Variants in CHODL observed in about 807,000 individuals in gnomAD.
CHODL encodes the protein chondrolectin.
A neutral mutation model predicts 34.5 loss-of-function variants in CHODL; 29 were observed. That is an observed-to-expected ratio of 0.84 (90% CI 0.63 to 1.15). CHODL has a LOEUF of 1.15. Among genes scored for constraint, CHODL ranks in the 50% most tolerant of loss-of-function variants. CHODL has a pLI of 0.00. For synonymous variants in CHODL, 125 were observed against 116.1 expected, an observed-to-expected ratio of 1.08 and a Z score of -0.49; for missense variants, 332 against 332.5, an observed-to-expected ratio of 1.00 and a Z score of 0.01.
chr21:17,987,155 A>G (rs949678498), intron 1 of CHODL, among the ~76,000 whole-genome samples: 5 of 152,190 alleles, frequency 3.3e-5, no homozygotes, highest in Non-Finnish European at 7.3e-5. Flanking sequence ...CTGCTTTCAC[A>G]GTAAGATCTA....
intron 2 of CHODL, among the ~76,000 whole-genome samples, chr21:18,095,069 A>T (rs1403700888): frequency 6.6e-6 from 1 of 152,038 alleles, no homozygotes; most frequent in Non-Finnish European, 1.5e-5. Context: ...GGTTGCAGTG[A>T]GTCAAGATCA....
chr21:18,160,855 G>A (rs2073087488), intron 2 of CHODL, among the ~76,000 whole-genome samples: 1 of 152,128 alleles, frequency 6.6e-6, no homozygotes, highest in African/African-American at 2.4e-5. Context: ...CTCAGTAATG[G>A]GATTGCTGGG....
At chr21:18,213,205 ATTG>A (rs1273325106) in intron 2 of CHODL, among the ~76,000 whole-genome samples, 4 of 152,070 alleles carry the variant, frequency 2.6e-5, no homozygotes, top group African/African-American at 4.8e-5. Flanking sequence ...ACTGGTTTAG[ATTG>A]TTATTTGGAC....
chr21:17,943,963 C>T (rs2063385693), intron 1 of CHODL, among the ~76,000 whole-genome samples: 1 of 152,114 alleles, frequency 6.6e-6, no homozygotes, highest in South Asian at 2.1e-4. Context: ...TTGGTGGTAG[C>T]TCGGTGTTCC....
chr21:18,004,081 C>A (rs2146403796), intron 1 of CHODL, among the ~76,000 whole-genome samples: 1 of 152,230 alleles, frequency 6.6e-6, no homozygotes, highest in South Asian at 2.1e-4. Flanking sequence ...AAAGTGTTTG[C>A]CTTTTTCTTA....
Position 18,134,255 on chromosome 21 carries a change from T to A in CHODL, c.-45+106284T>A, listed in dbSNP as rs1187412484. 6.1e-5 allele frequency: 30 copies of A among 493,244 alleles called. 1 individual carries two copies. Among genetic ancestry groups the A allele is most frequent in the South Asian group, 2.1e-4 (14 of 67,936 alleles). The allele number at this position is 493,244 out of a possible 1,614,324, so 30.6% of individuals were successfully genotyped here. A position where few individuals can be genotyped will look rare whatever the true frequency, so the allele number is the denominator to read the frequency against. ...TAGGTGTGCATATGCCTCTGCCTGA[T>A]CTTGCCATTTTTATACTTGGATGAT... On this transcript the variant is annotated intron_variant, in intron 2 of 6. Transcript: ENST00000400127.
chr21:18,209,890 AG>A (rs1392224305), intron 2 of CHODL, among the ~76,000 whole-genome samples: 1 of 152,126 alleles, frequency 6.6e-6, no homozygotes, highest in East Asian at 1.9e-4. Flanking sequence ...TGGCTGAGAT[AG>A]TATCCAAGTT....
intron 2 of CHODL, among the ~76,000 whole-genome samples, chr21:18,070,058 TTTGTTC>T (rs2064784528): frequency 8.6e-6 from 1 of 115,794 alleles, no homozygotes; most frequent in South Asian, 3.2e-4. Flanking sequence ...TGCTTTCCTG[TTTGTTC>T]TTTTTGTTCT....
At chr21:18,045,848 G>C (rs552738152) in intron 2 of CHODL, among the ~76,000 whole-genome samples, 1 of 151,906 alleles carries the variant, frequency 6.6e-6, no homozygotes, top group African/African-American at 2.4e-5. Context: ...CACAGCATTT[G>C]TCTCCTCCAG....
rs1491107369 is a variant in CHODL, at chr21:18,174,121, G to GTATATA, written c.-44-82387_-44-82386insATATAT. Among the ~76,000 whole-genome samples the GTATATA allele has an allele frequency of 4.9e-4, 30 of 60,866 alleles. 4 individuals are homozygous for GTATATA. The East Asian group carries it at 8.8e-3, about 18-fold the overall frequency. 39.9% of individuals were successfully genotyped at this position (60,866 alleles called of 152,430 possible). A position where few individuals can be genotyped will look rare whatever the true frequency, so the allele number is the denominator to read the frequency against. On this transcript the variant is annotated intron_variant, in intron 2 of 6. Coordinates refer to the CHODL transcript ENST00000400127. ...AGGATATATATATATATATATCTTG[G>GTATATA]TGTATATATATATATATATATATAT...
chr21:17,993,898 A>G (rs1210905893), intron 1 of CHODL, among the ~76,000 whole-genome samples: 1 of 152,202 alleles, frequency 6.6e-6, no homozygotes, highest in East Asian at 1.9e-4. Context: ...GTTAGCATAT[A>G]GCTTTTCATA....
At chr21:18,243,783 C>G (rs2074104155), upstream of CHODL, among the ~76,000 whole-genome samples, 2 of 152,156 alleles carry the variant, frequency 1.3e-5, no homozygotes, top group African/African-American at 2.4e-5. Flanking sequence ...GTATTTACTT[C>G]CTTTTTCCAA....
intron 1 of CHODL, among the ~76,000 whole-genome samples, chr21:17,931,282 T>A (rs2063271111): frequency 6.6e-6 from 1 of 152,136 alleles, no homozygotes; most frequent in Non-Finnish European, 1.5e-5. Flanking sequence ...CCTACTGGTC[T>A]GGAGGTTGAA....
intron 2 of CHODL, among the ~76,000 whole-genome samples, chr21:18,140,784 C>G (rs979592435): frequency 6.6e-5 from 10 of 151,944 alleles, no homozygotes; most frequent in Admixed American, 5.9e-4. Flanking sequence ...TAATTATATA[C>G]ATATAATTAC....
At chr21:18,174,131 A>ATATATATATATATATATCTTGG (rs2073268343) in intron 2 of CHODL, among the ~76,000 whole-genome samples, 2 of 13,356 alleles carry the variant, frequency 1.5e-4, no homozygotes, top group South Asian at 6.1e-3. Flanking sequence ...GTGTATATAT[A>ATATATATATATATATATCTTGG]TATATATATA....
chr21:18,021,407 A>T (rs1274175291), intron 1 of CHODL, among the ~76,000 whole-genome samples: 1 of 152,182 alleles, frequency 6.6e-6, no homozygotes, highest in Non-Finnish European at 1.5e-5. Context: ...GTATTTTCTG[A>T]TTCCAACTCT....
At chr21:17,949,013 G>A (rs2146339520) in intron 1 of CHODL, among the ~76,000 whole-genome samples, 1 of 152,228 alleles carries the variant, frequency 6.6e-6, no homozygotes, top group South Asian at 2.1e-4. Flanking sequence ...TTTGGATATG[G>A]AGTTAGAATA....
At chr21:17,939,502 A>G (rs2063346274) in intron 1 of CHODL, among the ~76,000 whole-genome samples, 1 of 152,218 alleles carries the variant, frequency 6.6e-6, no homozygotes, top group Admixed American at 6.5e-5. Flanking sequence ...AAAAACAATA[A>G]AGTAATTCAC....
intron 1 of CHODL, among the ~76,000 whole-genome samples, chr21:17,998,075 T>G (rs2043644750): frequency 6.6e-6 from 1 of 152,232 alleles, no homozygotes; most frequent in Non-Finnish European, 1.5e-5. Context: ...AGCTAGTTAC[T>G]TCCTAGATAC....
Sources: allele counts gnomAD v4.1 joint callset (sites outside exome capture counted in the v4.1 genomes callset), GRCh38; gene constraint gnomAD v4.1.1; transcripts MANE v1.5; gene names NCBI Gene and HGNC (gene_info 2026-07-23, HGNC 2026-07-21).